Variants in SSH2 observed in about 807,000 individuals in gnomAD.
The protein encoded by SSH2 is protein phosphatase Slingshot homolog 2.
In SSH2, 37 loss-of-function variants were observed where a neutral mutation model predicts 135.2. That is an observed-to-expected ratio of 0.27 (90% CI 0.21 to 0.36). The LOEUF is 0.36. SSH2 is among the 10% of genes least tolerant of loss of function. SSH2 has a pLI of 1.00. For missense variants in SSH2, 1,408 were observed against 1,765.3 expected, an observed-to-expected ratio of 0.80 and a Z score of 3.63; for synonymous variants, 628 against 646.2, an observed-to-expected ratio of 0.97 and a Z score of 0.43.
At chr17:29,672,154 C>A in intron 8 of SSH2, 25 bp from the exon 9 acceptor site, 1 of 1,594,408 alleles carries the variant, frequency 6.3e-7, no homozygotes, top group South Asian at 1.1e-5. Context: ...GGGAAATGAG[C>A]ACCATAGAAC....
At chr17:29,794,003 T>C (rs2042117166) in intron 2 of SSH2, 66 bp from the exon 3 acceptor site, 2 of 1,162,814 alleles carry the variant, frequency 1.7e-6, no homozygotes, top group Non-Finnish European at 2.6e-6. Flanking sequence ...ATCACTAATA[T>C]AATTTTACTA....
intron 1 of SSH2, among the ~76,000 whole-genome samples, chr17:29,898,852 C>T (rs576930117): frequency 9.9e-5 from 15 of 152,268 alleles, no homozygotes; most frequent in African/African-American, 3.6e-4. Context: ...ACCAATATCC[C>T]TGATGAACAT....
chr17:29,928,511 C>CAG, intron 1 of SSH2: 1 of 398,564 alleles, frequency 2.5e-6, no homozygotes, highest in East Asian at 3.6e-5. Flanking sequence ...AGGCAGTGCA[C>CAG]TCCACTGTTA....
At chr17:29,902,807 G>T (rs192306088) in intron 1 of SSH2, among the ~76,000 whole-genome samples, 1 of 152,104 alleles carries the variant, frequency 6.6e-6, no homozygotes, top group Admixed American at 6.5e-5. Context: ...TAGGAAAAAT[G>T]GACCAATTCT....
At chr17:29,662,383 G>A (rs1364033153) in intron 11 of SSH2, among the ~76,000 whole-genome samples, 1 of 152,156 alleles carries the variant, frequency 6.6e-6, no homozygotes, top group Non-Finnish European at 1.5e-5. Flanking sequence ...CCAAGGACTG[G>A]TATCTCTGTC....
chr17:29,740,492 T>C (rs1598912614), intron 3 of SSH2, among the ~76,000 whole-genome samples: 1 of 152,032 alleles, frequency 6.6e-6, no homozygotes, highest in Admixed American at 6.6e-5. Context: ...CTATGGATAC[T>C]GTTTAGATCT....
At chr17:29,652,078 G>A (rs757544078) in intron 12 of SSH2, among the ~76,000 whole-genome samples, 2 of 152,094 alleles carry the variant, frequency 1.3e-5, no homozygotes, top group Admixed American at 6.6e-5. Flanking sequence ...GGAGGCGGAG[G>A]TTGCAGTGAG....
chr17:29,738,822 G>A (rs2040462767), intron 3 of SSH2, among the ~76,000 whole-genome samples: 1 of 152,028 alleles, frequency 6.6e-6, no homozygotes, highest in Admixed American at 6.5e-5. Flanking sequence ...CCAAAGTGCT[G>A]GGATTACAGG....
chr17:29,703,997 T>C (rs2039097922), intron 3 of SSH2, among the ~76,000 whole-genome samples: 1 of 152,218 alleles, frequency 6.6e-6, no homozygotes, highest in Non-Finnish European at 1.5e-5. Context: ...GGCCTAAATT[T>C]CCTTATCTGT....
intron 2 of SSH2, among the ~76,000 whole-genome samples, chr17:29,809,744 G>A (rs1899407552): frequency 6.6e-6 from 1 of 151,938 alleles, no homozygotes; most frequent in Admixed American, 6.6e-5. Flanking sequence ...TTTTTTTAGA[G>A]ACAGGGTCTC....
At position 29,803,654 on chromosome 17, in the gene SSH2, GC is replaced by G. The variant is rs569132410; in HGVS notation, c.145-9718del. Among the ~76,000 whole-genome samples, 8 of 152,262 alleles carry G rather than the reference GC, an allele frequency of 5.3e-5. No homozygotes were observed. The South Asian group carries it at 8.3e-4, about 16-fold the overall frequency. On this transcript the variant is annotated intron_variant, in intron 2 of 15. Transcript: ENST00000540801. The stretch of plus-strand genomic sequence containing the variant: ...ACAATAGCAGAAGTAACAAGAATTT[GC>G]AGCCATCTTTCGACCCTGGTGATTA...
intron 3 of SSH2, among the ~76,000 whole-genome samples, chr17:29,713,904 C>T (rs1400632173): frequency 2.0e-5 from 3 of 152,128 alleles, no homozygotes; most frequent in Non-Finnish European, 4.4e-5. Flanking sequence ...AGGAAAGGAA[C>T]TGGTCTCAAG....
At chr17:29,723,574 G>A (rs2039891787) in intron 3 of SSH2, among the ~76,000 whole-genome samples, 1 of 152,162 alleles carries the variant, frequency 6.6e-6, no homozygotes. Context: ...TGTGAAGAAC[G>A]GGAAGGTAAC....
At chr17:29,900,489 A>G (rs2066530253) in intron 1 of SSH2, among the ~76,000 whole-genome samples, 1 of 152,258 alleles carries the variant, frequency 6.6e-6, no homozygotes, top group Admixed American at 6.5e-5. Context: ...GATACTTCTC[A>G]AAAGAAGACA....
chr17:29,668,973 G>T (rs2151037742), intron 9 of SSH2, among the ~76,000 whole-genome samples: 1 of 152,144 alleles, frequency 6.6e-6, no homozygotes, highest in South Asian at 2.1e-4. Context: ...AGCAGGCCGG[G>T]TGTGGTAGCT....
At chr17:29,697,678 C>T (rs957827151) in intron 4 of SSH2, among the ~76,000 whole-genome samples, 14 of 152,124 alleles carry the variant, frequency 9.2e-5, no homozygotes, top group Admixed American at 2.0e-4. Flanking sequence ...ACAACTCCCC[C>T]ACCCCAAACC....
Position 29,676,855 on chromosome 17 carries a change from A to T in SSH2, c.579T>A (p.Val193=). 1 of 1,614,012 alleles carries T rather than the reference A, an allele frequency of 6.2e-7. No individual in the cohort carries two copies. The highest frequency in any genetic ancestry group is 8.5e-7 in the Non-Finnish European group (1 of 1,179,938). ...GCACAGATACAGGTTTGAATATGTG[A>T]ACTCTGTTATCCGTCGATACACTGA... ...GGFSVSTDNR[V]HIFKPVSVQA... The change falls in exon 8 of 16, where the codon GTT becomes GTA. Residue 193 remains valine, a synonymous_variant. Coordinates refer to ENST00000540801, the MANE Select transcript of SSH2 (RefSeq NM_001282129.2).
In SSH2 at chr17:29,913,347, A is replaced by AAT. The variant is rs56068605; in HGVS notation, c.63+16589_63+16590dup. On this transcript the variant is annotated intron_variant, in intron 1 of 15. Transcript: ENST00000540801. Reference sequence around the variant, plus strand: ...AAAAAAAAAAAAAAAAAAAAAAAAAAATATATATATATATATATATATATA... The same window carrying AAT: ...AAAAAAAAAAAAAAAAAAAAAAAAAAATATATATATATATATATATATATATA... 8.1e-3 allele frequency among the ~76,000 whole-genome samples: 232 copies of AAT among 28,752 alleles called. 6 individuals carry two copies. The highest frequency in any genetic ancestry group is 0.012 in the African/African-American group (97 of 8,026). The allele number at this position is 28,752 out of a possible 152,430, so 18.9% of individuals were successfully genotyped here.
At chr17:29,762,200 A>G (rs1361487020) in intron 3 of SSH2, among the ~76,000 whole-genome samples, 1 of 151,584 alleles carries the variant, frequency 6.6e-6, no homozygotes. Context: ...TTTTTTAAAC[A>G]GTTGAAGTAA....
Sources: gnomAD v4.1 joint callset for allele counts (sites outside exome capture counted in the v4.1 genomes callset) on GRCh38, gnomAD v4.1.1 for gene constraint, MANE v1.5 for transcripts, NCBI Gene and HGNC (gene_info 2026-07-23, HGNC 2026-07-21) for gene names.